CUL4A: variants seen among roughly 807,000 people sequenced by gnomAD.
CUL4A encodes the protein cullin-4A.
A neutral mutation model predicts 95.5 loss-of-function variants in CUL4A; 16 were observed. The observed-to-expected ratio is 0.17, with a 90% CI of 0.11 to 0.25. The LOEUF is 0.25. CUL4A is among the 10% of genes least tolerant of loss of function. The pLI, the probability that CUL4A is intolerant of heterozygous loss-of-function variation, is 1.00. For missense variants in CUL4A, 610 were observed against 937.0 expected, an observed-to-expected ratio of 0.65 and a Z score of 4.56; for synonymous variants, 380 against 353.1, an observed-to-expected ratio of 1.08 and a Z score of -0.85.
chr13:113,212,134 C>T (rs1166241654), intron 2 of CUL4A, among the ~76,000 whole-genome samples: 1 of 152,176 alleles, frequency 6.6e-6, no homozygotes, highest in African/African-American at 2.4e-5. Flanking sequence ...AAATATTTTG[C>T]TCATTTTTAT....
rs2041171114 is a variant in CUL4A, at chr13:113,228,032, A to G, written c.425A>G (p.His142Arg). 2.5e-6 allele frequency: 4 copies of G among 1,612,744 alleles called. No individual in the cohort carries two copies. The highest frequency in any genetic ancestry group is 3.4e-6 in the Non-Finnish European group (4 of 1,178,722). ...AAGATTAACACGTGCTGGCAGGACCACTGCAGACAAATGGTAAGCTTGTTC... is the reference window on the plus strand; with the variant it reads ...AAGATTAACACGTGCTGGCAGGACCGCTGCAGACAAATGGTAAGCTTGTTC... ...LKKINTCWQD[H>R]CRQMIMIRSI... is the part of the protein sequence containing the mutation. The change falls in exon 4 of 20, where the codon CAC becomes CGC. Residue 142 changes from histidine to arginine, a missense_variant. His to Arg is a conservative substitution (Grantham distance 29, BLOSUM62 0). Transcript: ENST00000375440.
intron 5 of CUL4A, among the ~76,000 whole-genome samples, chr13:113,231,425 A>G (rs1310987206): frequency 2.0e-5 from 3 of 152,222 alleles, no homozygotes; most frequent in Non-Finnish European, 4.4e-5. Flanking sequence ...CAGCATGACC[A>G]GAAGAAGCCT....
chr13:113,227,719 C>T (rs2041157725), intron 3 of CUL4A, among the ~76,000 whole-genome samples: 1 of 152,076 alleles, frequency 6.6e-6, no homozygotes, highest in African/African-American at 2.4e-5. Flanking sequence ...GCCTGACCAA[C>T]ATGGTGAAAC....
At chr13:113,240,594 A>G (rs71446682) in intron 10 of CUL4A, among the ~76,000 whole-genome samples, 32,584 of 152,144 alleles carry the variant, frequency 0.21, 3,985 homozygotes, top group South Asian at 0.43. Context: ...AGAGAATTAC[A>G]CTAAGAGGAA....
chr13:113,208,554 C>A, upstream of CUL4A: 1 of 1,597,766 alleles, frequency 6.3e-7, no homozygotes. Context: ...ACGGAACACG[C>A]CGAGGGCCAA....
intron 19 of CUL4A, among the ~76,000 whole-genome samples, chr13:113,261,322 C>T (rs1018134469): frequency 6.6e-6 from 1 of 152,200 alleles, no homozygotes; most frequent in Non-Finnish European, 1.5e-5. Flanking sequence ...ATACTGAACT[C>T]TGATGACGCC....
Position 113,265,121 on chromosome 13 carries a change from C to G in CUL4A, c.*1539C>G, listed in dbSNP as rs570989051. ...TTTAGCAGCTTTGACTACTAGTGCACTAGACAGAAGTCAGAGCAGGGAGCA... is the reference window on the plus strand; with the variant it reads ...TTTAGCAGCTTTGACTACTAGTGCAGTAGACAGAAGTCAGAGCAGGGAGCA... On this transcript the variant is annotated 3_prime_UTR_variant, in exon 20 of 20. Transcript: ENST00000375440. 3 of 152,340 alleles carry G rather than the reference C, an allele frequency of 2.0e-5. No individual in the cohort carries two copies. The highest frequency in any genetic ancestry group is 7.2e-5 in the African/African-American group (3 of 41,568). The allele number at this position is 152,340 out of a possible 1,614,324, so 9.4% of individuals were successfully genotyped here. A position where few individuals can be genotyped will look rare whatever the true frequency, so the allele number is the denominator to read the frequency against.
rs1353482538 is a variant in CUL4A, at chr13:113,254,616, C to G, written c.1753-77C>G. On this transcript the variant is annotated intron_variant, in intron 16 of 19. Transcript: ENST00000375440. ...TCTCAAAAAAAAAAAAGTTTGAGAG[C>G]AAAAAGAAGCTTCTTTTAATTTTTC... 4.7e-6 allele frequency: 5 copies of G among 1,052,716 alleles called. No homozygotes were observed. In the East Asian group the frequency reaches 1.3e-4, roughly 28 times the overall value. 65.2% of individuals were successfully genotyped at this position (1,052,716 alleles called of 1,614,324 possible). A position where few individuals can be genotyped will look rare whatever the true frequency, so the allele number is the denominator to read the frequency against.
intron 3 of CUL4A, among the ~76,000 whole-genome samples, chr13:113,225,688 C>T (rs1368892582): frequency 6.6e-6 from 1 of 152,202 alleles, no homozygotes; most frequent in Non-Finnish European, 1.5e-5. Flanking sequence ...GAGAGGCTTG[C>T]TGGGAGGTCC....
chr13:113,249,563 A>G (rs1371674989), intron 15 of CUL4A, among the ~76,000 whole-genome samples: 3 of 152,232 alleles, frequency 2.0e-5, no homozygotes, highest in African/African-American at 7.2e-5. Flanking sequence ...TGCTATGAAC[A>G]TGGGTGTACA....
chr13:113,231,275 G>C (rs530644712), intron 5 of CUL4A, among the ~76,000 whole-genome samples: 1 of 152,340 alleles, frequency 6.6e-6, no homozygotes, highest in East Asian at 1.9e-4. Flanking sequence ...CCATCTCTGG[G>C]ATGGGGAGGA....
Position 113,209,769 on chromosome 13 carries a change from T to C in CUL4A, c.142T>C (p.Phe48Leu). 8.5e-7 allele frequency: 1 copy of C among 1,175,970 alleles called. No homozygotes were observed. 72.8% of individuals were successfully genotyped at this position (1,175,970 alleles called of 1,614,324 possible). ...CTCCAAGAAGCTGGTCATCAAGAACTTCCGAGGTGGGTGCGGCGGCCGGGT... is the reference window on the plus strand; with the variant it reads ...CTCCAAGAAGCTGGTCATCAAGAACCTCCGAGGTGGGTGCGGCGGCCGGGT... ...GGSKKLVIKN[F>L]RDRPRLPDNY... Residue 48 changes from phenylalanine (F) to leucine (L), a missense_variant, in exon 1 of 20, where the codon TTC becomes CTC. Physicochemically the swap from Phe to Leu is conservative, Grantham distance 22. Coordinates refer to ENST00000375440, the MANE Select transcript of CUL4A (RefSeq NM_001008895.4).
rs1379792722 is a variant in CUL4A at position 113,266,713 on chromosome 13, T to C, written c.*3131T>C. On this transcript the variant is annotated 3_prime_UTR_variant, in exon 20 of 20. Transcript: ENST00000375440. ...CGTGTGTGATCAGGAACTGGAACTT[T>C]GCAACAACTACCCATGCTCAGAAGT... The C allele has an allele frequency of 1.3e-5, 2 of 152,232 alleles. No individual in the cohort carries two copies. The highest frequency in any genetic ancestry group is 4.8e-5 in the African/African-American group (2 of 41,468). 9.4% of individuals were successfully genotyped at this position (152,232 alleles called of 1,614,324 possible).
At chr13:113,208,516 C>T (rs2040125761), upstream of CUL4A, 2 of 1,559,496 alleles carry the variant, frequency 1.3e-6, no homozygotes, top group African/African-American at 2.7e-5. Flanking sequence ...AAGGAAAAGG[C>T]CTGAGGGTCC....
intron 3 of CUL4A, among the ~76,000 whole-genome samples, chr13:113,225,172 T>C (rs371589529): frequency 5.3e-5 from 8 of 152,316 alleles, no homozygotes; most frequent in Non-Finnish European, 7.3e-5. Context: ...TTAATGAAGA[T>C]TGGCCCTTTT....
At chr13:113,233,479 G>C in intron 6 of CUL4A, 140 bp downstream of exon 6, 1 of 787,306 alleles carries the variant, frequency 1.3e-6, no homozygotes, top group Non-Finnish European at 2.0e-6. Flanking sequence ...ATCCCTAGAA[G>C]GGGAATAGCG....
At chr13:113,208,597 A>G (rs1177575074), upstream of CUL4A, 3 of 1,604,798 alleles carry the variant, frequency 1.9e-6, no homozygotes, top group South Asian at 3.3e-5. Flanking sequence ...GCTAGGACCC[A>G]CCTGCTGCAG....
intron 4 of CUL4A, 142 bp downstream of exon 4, chr13:113,228,187 G>A: frequency 3.0e-6 from 2 of 669,114 alleles, no homozygotes; most frequent in Non-Finnish European, 2.6e-6. Flanking sequence ...GAGAAAAGCA[G>A]GGAAGGTGAA....
chr13:113,230,730 G>T (rs1451394076), intron 5 of CUL4A, among the ~76,000 whole-genome samples: 2 of 152,012 alleles, frequency 1.3e-5, no homozygotes, highest in Non-Finnish European at 2.9e-5. Context: ...TACCTCAGTT[G>T]TCTGGCCCAT....
Sources: gnomAD v4.1 joint callset for allele counts (sites outside exome capture counted in the v4.1 genomes callset) on GRCh38, gnomAD v4.1.1 for gene constraint, MANE v1.5 for transcripts, NCBI Gene and HGNC (gene_info 2026-07-23, HGNC 2026-07-21) for gene names.